WWOX: variants seen among roughly 807,000 people sequenced by gnomAD.
The protein encoded by WWOX is WW domain containing oxidoreductase.
In WWOX, 69 loss-of-function variants were observed where a neutral mutation model predicts 46.2. That is an observed-to-expected ratio of 1.49 (90% CI 1.23 to 1.82). The LOEUF (loss-of-function observed/expected upper bound fraction) is 1.82, where lower values mean the gene tolerates loss of function less well. Ranked by LOEUF, WWOX falls within the 40% of genes most tolerant of loss-of-function variation. The pLI is 0.00. For synonymous variants in WWOX, 359 were observed against 202.6 expected, an observed-to-expected ratio of 1.77 and a Z score of -6.56; for missense variants, 919 against 542.6, an observed-to-expected ratio of 1.69 and a Z score of -6.89.
intron 8 of WWOX, among the ~76,000 whole-genome samples, chr16:79,120,048 G>A (rs530756150): frequency 6.6e-6 from 1 of 152,150 alleles, no homozygotes; most frequent in African/African-American, 2.4e-5. Flanking sequence ...CAGGGAAACC[G>A]CAACTGCCTG....
chr16:79,016,100 A>G (rs866737747), intron 8 of WWOX: 16 of 152,254 alleles, frequency 1.1e-4, no homozygotes, highest in African/African-American at 3.1e-4. Flanking sequence ...TATGTTCTCA[A>G]ATTCCAACCT....
At chr16:78,507,336 T>C (rs1001625198) in intron 8 of WWOX, among the ~76,000 whole-genome samples, 1 of 152,238 alleles carries the variant, frequency 6.6e-6, no homozygotes, top group Non-Finnish European at 1.5e-5. Flanking sequence ...TCAATGCTTA[T>C]TTTAAGCAAC....
At chr16:78,175,261 A>C (rs1279905452) in intron 5 of WWOX, among the ~76,000 whole-genome samples, 2 of 152,058 alleles carry the variant, frequency 1.3e-5, no homozygotes, top group East Asian at 3.9e-4. Context: ...CCTGACCCTT[A>C]GGTGGAAGAT....
intron 6 of WWOX, among the ~76,000 whole-genome samples, chr16:78,393,502 A>G (rs546410458): frequency 6.6e-6 from 1 of 152,184 alleles, no homozygotes; most frequent in South Asian, 2.1e-4. Context: ...CTATATTACA[A>G]AATTTTTTAA....
In WWOX at chr16:79,182,965, A is replaced by G. The variant is rs530454242; in HGVS notation, c.1057-28643A>G. Among the ~76,000 whole-genome samples the G allele has an allele frequency of 9.8e-5, 15 of 152,332 alleles. No homozygotes were observed. The South Asian group carries it at 2.5e-3, about 25-fold the overall frequency. On this transcript the variant is annotated intron_variant, in intron 8 of 8. Coordinates refer to ENST00000566780, the MANE Select transcript of WWOX (RefSeq NM_016373.4). ...CTCTTTTAAGGCAGCAGGACTAAGA[A>G]GGTAAAGACATGTACTAGGCGGGTC... is the stretch of plus-strand genomic sequence containing the variant.
intron 8 of WWOX, among the ~76,000 whole-genome samples, chr16:79,019,502 C>A (rs1385067692): frequency 6.6e-6 from 1 of 152,010 alleles, no homozygotes; most frequent in Non-Finnish European, 1.5e-5. Flanking sequence ...ATCTTTGGGA[C>A]AGCCATCATA....
chr16:78,944,928 C>T (rs898258993), intron 8 of WWOX, among the ~76,000 whole-genome samples: 28 of 152,124 alleles, frequency 1.8e-4, no homozygotes, highest in African/African-American at 6.8e-4. Flanking sequence ...CCTGTAATCC[C>T]AGCACTTTCA....
chr16:78,109,639 G>A lies in WWOX; in HGVS notation c.173-139G>A, dbSNP rs1448850613. Reference sequence around the variant, plus strand: ...AGCTGTCGCAGTTGGAACATGTGACGAAAGCCAGTTGATGTGACAACTGCT... The same window carrying A: ...AGCTGTCGCAGTTGGAACATGTGACAAAAGCCAGTTGATGTGACAACTGCT... On this transcript the variant is annotated intron_variant, in intron 2 of 8. Transcript: ENST00000566780. 3 of 799,456 alleles carry A rather than the reference G, an allele frequency of 3.8e-6. 1 individual carries two copies. The highest frequency in any genetic ancestry group is 3.0e-5 in the South Asian group (2 of 67,642). The allele number at this position is 799,456 out of a possible 1,614,324, so 49.5% of individuals were successfully genotyped here. A position where few individuals can be genotyped will look rare whatever the true frequency, so the allele number is the denominator to read the frequency against.
At chr16:78,679,904 A>G (rs1208663762) in intron 8 of WWOX, among the ~76,000 whole-genome samples, 4 of 152,020 alleles carry the variant, frequency 2.6e-5, no homozygotes, top group Non-Finnish European at 5.9e-5. Context: ...CTTCCCAGAC[A>G]CTCCGTAACC....
intron 8 of WWOX, among the ~76,000 whole-genome samples, chr16:78,879,418 G>A (rs2656621): frequency 0.29 from 44,215 of 151,588 alleles, 6,626 homozygotes; most frequent in Middle Eastern, 0.44. Flanking sequence ...TGCCATAAGG[G>A]CAAAATCCAC....
rs74029936 is a variant in WWOX, at chr16:78,718,841, A to G, written c.1056+286089A>G. On this transcript the variant is annotated intron_variant, in intron 8 of 8. Transcript: ENST00000566780. ...ATTGGTTCCTTTGGAGGAGACATGAATAAAGGCATGGATGTGACTGAGGAG... is the reference window on the plus strand; with the variant it reads ...ATTGGTTCCTTTGGAGGAGACATGAGTAAAGGCATGGATGTGACTGAGGAG... Among the ~76,000 whole-genome samples the G allele has an allele frequency of 2.0e-3, 300 of 152,290 alleles. 1 individual carries two copies. Among genetic ancestry groups the G allele is most frequent in the Middle Eastern group, 0.01 (3 of 294 alleles).
intron 8 of WWOX, among the ~76,000 whole-genome samples, chr16:78,692,571 T>G (rs1417993336): frequency 1.3e-5 from 2 of 152,188 alleles, no homozygotes; most frequent in Non-Finnish European, 2.9e-5. Context: ...TTTATAGACG[T>G]TCCTCTCTGA....
Position 79,057,552 on chromosome 16 carries a change from C to G in WWOX, c.1057-154056C>G, listed in dbSNP as rs190775771. 2.7e-5 allele frequency among the ~76,000 whole-genome samples: 4 copies of G among 149,822 alleles called. No homozygotes were observed. In the East Asian group the frequency reaches 7.8e-4, roughly 29 times the overall value. On this transcript the variant is annotated intron_variant, in intron 8 of 8. Transcript: ENST00000566780. Reference sequence around the variant, plus strand: ...CACTTGGAGATTTGATCCATTTTAACTCTCTCATTGCCTTCAGAGAGTTGG... The same window carrying G: ...CACTTGGAGATTTGATCCATTTTAAGTCTCTCATTGCCTTCAGAGAGTTGG...
chr16:78,641,784 G>C (rs117840246), intron 8 of WWOX, among the ~76,000 whole-genome samples: 1 of 152,078 alleles, frequency 6.6e-6, no homozygotes, highest in Non-Finnish European at 1.5e-5. Context: ...CCCTCCACTC[G>C]CCTGGGTCAT....
Position 78,386,893 on chromosome 16 carries a change from C to G in WWOX, c.550C>G (p.Leu184Val), listed in dbSNP as rs753965511. ...KAKVEAMTLD[L>V]ALLRSVQHFA... Reference sequence around the variant, plus strand: ...CAAGGTAGAAGCAATGACCCTGGACCTCGCTCTGCTCCGTAGCGTGCAGCA... The same window carrying G: ...CAAGGTAGAAGCAATGACCCTGGACGTCGCTCTGCTCCGTAGCGTGCAGCA... Residue 184 changes from leucine to valine, a missense_variant, in exon 6 of 9, where the codon CTC (leucine) becomes GTC (valine). Transcript: ENST00000566780. 1.9e-6 allele frequency: 3 copies of G among 1,614,094 alleles called. No homozygotes were observed. The highest frequency in any genetic ancestry group is 2.7e-5 in the African/African-American group (2 of 75,036).
At chr16:78,414,343 C>T (rs542590770) in intron 6 of WWOX, among the ~76,000 whole-genome samples, 6 of 152,240 alleles carry the variant, frequency 3.9e-5, no homozygotes, top group Non-Finnish European at 8.8e-5. Context: ...CAGAGGTGGG[C>T]AGATCACTTG....
intron 8 of WWOX, among the ~76,000 whole-genome samples, chr16:78,670,311 C>A (rs531684531): frequency 6.6e-6 from 1 of 152,282 alleles, no homozygotes; most frequent in East Asian, 1.9e-4. Flanking sequence ...TTCCGACCCT[C>A]CCGTGATTCT....
chr16:78,809,311 TGAAAAAAAAAAAAAAAAA>T (rs2051127729), intron 8 of WWOX, among the ~76,000 whole-genome samples: 1 of 128,062 alleles, frequency 7.8e-6, no homozygotes, highest in African/African-American at 3.2e-5. Context: ...ATAGAGATCT[TGAAAAAAAAAAAAAAAAA>T]GAAAAAACCA....
intron 8 of WWOX, among the ~76,000 whole-genome samples, chr16:78,603,089 GT>G (rs2045662150): frequency 6.6e-6 from 1 of 152,168 alleles, no homozygotes. Context: ...TGTTTTATTT[GT>G]TTATTTATTT....
Sources: gnomAD v4.1 joint callset for allele counts (sites outside exome capture counted in the v4.1 genomes callset) on GRCh38, gnomAD v4.1.1 for gene constraint, MANE v1.5 for transcripts, NCBI Gene and HGNC (gene_info 2026-07-23, HGNC 2026-07-21) for gene names.